The following PRKACB variants were observed in gnomAD, a reference collection of about 807,000 sequenced individuals.
PRKACB encodes cAMP-dependent protein kinase catalytic subunit beta.
In PRKACB, 16 loss-of-function variants were observed where a neutral mutation model predicts 51.4. That is an observed-to-expected ratio of 0.31 (90% CI 0.21 to 0.47). The LOEUF (loss-of-function observed/expected upper bound fraction) is 0.47, where lower values mean the gene tolerates loss of function less well. Ranked by LOEUF, PRKACB falls within the 20% of genes least tolerant of loss-of-function variation. PRKACB has a pLI of 1.00. For missense variants in PRKACB, 309 were observed against 464.5 expected (o/e 0.67, Z 3.08); for synonymous variants, 147 against 154.4 (o/e 0.95, Z 0.35).
intron 1 of PRKACB, among the ~76,000 whole-genome samples, chr1:84,110,238 AAAAC>A (rs1650112453): frequency 1.3e-5 from 2 of 151,992 alleles, no homozygotes; most frequent in Non-Finnish European, 2.9e-5. Flanking sequence ...ATACAAATAA[AAAAC>A]AATACAGTAT....
intron 1 of PRKACB, among the ~76,000 whole-genome samples, chr1:84,133,232 T>A (rs1652433708): frequency 6.6e-6 from 1 of 152,052 alleles, no homozygotes; most frequent in African/African-American, 2.4e-5. Flanking sequence ...AGTAAAATAT[T>A]TTAAAAGTTG....
At chr1:84,209,206 G>C (rs528398365) in intron 8 of PRKACB, among the ~76,000 whole-genome samples, 1 of 152,210 alleles carries the variant, frequency 6.6e-6, no homozygotes. Context: ...GTTTCATCCA[G>C]TCTCATGACT....
chr1:84,184,146 G>C lies in PRKACB; in HGVS notation c.477+11G>C. 1 of 1,587,874 alleles carries C rather than the reference G, an allele frequency of 6.3e-7. No individual in the cohort carries two copies. Among genetic ancestry groups the C allele is most frequent in the Non-Finnish European group, 8.6e-7 (1 of 1,168,686 alleles). On this transcript the variant is annotated intron_variant, in intron 4 of 9. Coordinates refer to ENST00000370685, the MANE Select transcript of PRKACB (RefSeq NM_182948.4). ...GAGTATGCTTTTAAGGTAAATTTTAGTAATATCTAAATAAGATATTTTCAA... is the reference window on the plus strand; with the variant it reads ...GAGTATGCTTTTAAGGTAAATTTTACTAATATCTAAATAAGATATTTTCAA...
chr1:84,078,464 G>A (rs894975340), intron 1 of PRKACB: 2 of 1,470,506 alleles, frequency 1.4e-6, no homozygotes, highest in Non-Finnish European at 1.8e-6. Context: ...CCGCGGGCAC[G>A]GGCCAGGCCT....
chr1:84,230,313 A>C (rs371497243), intron 9 of PRKACB, among the ~76,000 whole-genome samples: 3,875 of 152,172 alleles, frequency 0.025, 172 homozygotes, highest in African/African-American at 0.088. Flanking sequence ...GGTACCAGTA[A>C]CATGCTGTGT....
chr1:84,115,151 A>C (rs1030753144), intron 1 of PRKACB, among the ~76,000 whole-genome samples: 34 of 151,592 alleles, frequency 2.2e-4, no homozygotes, highest in African/African-American at 8.2e-4. Flanking sequence ...ACATTCTTAC[A>C]AAAATGTATA....
intron 2 of PRKACB, chr1:84,181,756 C>T: frequency 7.0e-7 from 1 of 1,427,252 alleles, no homozygotes; most frequent in South Asian, 1.3e-5. Context: ...GCTCTGATCC[C>T]TCAGTTTATC....
intron 9 of PRKACB, among the ~76,000 whole-genome samples, chr1:84,228,303 C>A (rs1674977035): frequency 6.6e-6 from 1 of 152,046 alleles, no homozygotes; most frequent in South Asian, 2.1e-4. Flanking sequence ...AAATTAAAAA[C>A]CCTTGGAGAG....
intron 8 of PRKACB, among the ~76,000 whole-genome samples, chr1:84,208,922 C>T (rs1671734202): frequency 6.6e-6 from 1 of 152,124 alleles, no homozygotes; most frequent in South Asian, 2.1e-4. Flanking sequence ...ATTCTTTCTA[C>T]TAAAGAAATA....
At chr1:84,087,536 T>A (rs892261154) in intron 1 of PRKACB, among the ~76,000 whole-genome samples, 4 of 152,182 alleles carry the variant, frequency 2.6e-5, no homozygotes, top group Admixed American at 2.6e-4. Context: ...TAGATAATGC[T>A]TTTTTACTCT....
At chr1:84,144,625 G>T in intron 1 of PRKACB, 77 bp downstream of exon 1, 3 of 1,391,594 alleles carry the variant, frequency 2.2e-6, no homozygotes, top group Non-Finnish European at 1.9e-6. Flanking sequence ...CAAACATAAA[G>T]AACCCTCTTT....
Position 84,128,219 on chromosome 1 carries a change from G to A in PRKACB, c.46+49848G>A, listed in dbSNP as rs541173634. 2.0e-5 allele frequency among the ~76,000 whole-genome samples: 3 copies of A among 150,904 alleles called. No individual in the cohort carries two copies. The South Asian group carries it at 6.3e-4, about 31-fold the overall frequency. On this transcript the variant is annotated intron_variant, in intron 1 of 8. Transcript: ENST00000370688. The stretch of plus-strand genomic sequence containing the variant: ...AGACTGGGTTCCACCATGTTGGTTA[G>A]AATTATTTCTTTAATGTATGTACCT...
intron 1 of PRKACB, among the ~76,000 whole-genome samples, chr1:84,124,580 A>G (rs1651393910): frequency 6.6e-6 from 1 of 152,166 alleles, no homozygotes; most frequent in Admixed American, 6.5e-5. Context: ...ATAGCCCCCT[A>G]CCTTCACCTC....
intron 1 of PRKACB, chr1:84,164,619 A>C: frequency 7.3e-7 from 1 of 1,377,578 alleles, no homozygotes; most frequent in Non-Finnish European, 9.5e-7. Context: ...TTCTGGTCTA[A>C]TGTTGCCGTG....
At chr1:84,232,739 G>A (rs1675939784) in intron 9 of PRKACB, among the ~76,000 whole-genome samples, 1 of 151,908 alleles carries the variant, frequency 6.6e-6, no homozygotes, top group African/African-American at 2.4e-5. Flanking sequence ...TGCAACCCCT[G>A]CCTTTTTTTG....
intron 1 of PRKACB, among the ~76,000 whole-genome samples, chr1:84,127,296 A>T (rs1373232686): frequency 1.3e-5 from 2 of 152,178 alleles, no homozygotes; most frequent in African/African-American, 4.8e-5. Flanking sequence ...GCTGTATGTA[A>T]TTTAAGCTTA....
intron 2 of PRKACB, among the ~76,000 whole-genome samples, chr1:84,180,183 G>GATATACATATATATATATATATATATAT (rs1662817571): frequency 3.1e-5 from 1 of 32,062 alleles, no homozygotes; most frequent in African/African-American, 7.2e-5. Flanking sequence ...AAGAAACTGT[G>GATATACATATATATATATATATATATAT]ATATATATAT....
At chr1:84,108,304 T>G (rs1571608715) in intron 1 of PRKACB, among the ~76,000 whole-genome samples, 4 of 143,822 alleles carry the variant, frequency 2.8e-5, no homozygotes, top group African/African-American at 9.9e-5. Context: ...ATGGGAACAA[T>G]AGACACTAGG....
intron 1 of PRKACB, among the ~76,000 whole-genome samples, chr1:84,098,387 T>C (rs1649087767): frequency 6.6e-6 from 1 of 152,138 alleles, no homozygotes; most frequent in Non-Finnish European, 1.5e-5. Flanking sequence ...TGTTTCCCTT[T>C]TAACAAATCT....
Sources: gnomAD v4.1 joint callset for allele counts (sites outside exome capture counted in the v4.1 genomes callset) on GRCh38, gnomAD v4.1.1 for gene constraint, MANE v1.5 for transcripts, NCBI Gene and HGNC (gene_info 2026-07-23, HGNC 2026-07-21) for gene names.